The following CPE variants were observed in gnomAD, a reference collection of about 807,000 sequenced individuals.
The protein encoded by CPE is carbocypeptidase E.
CPE carries 17 observed loss-of-function variants against 53.5 expected under a neutral mutation model. That is an observed-to-expected ratio of 0.32 (90% CI 0.22 to 0.48). The LOEUF is 0.48. CPE is among the 20% of genes least tolerant of loss of function. The probability of loss-of-function intolerance (pLI) is 0.99; values close to 1 mark genes in which losing one functional copy is unlikely to be tolerated. For synonymous variants in CPE, 226 were observed against 228.8 expected, an observed-to-expected ratio of 0.99 and a Z score of 0.11; for missense variants, 524 against 614.7, an observed-to-expected ratio of 0.85 and a Z score of 1.56.
intron 1 of CPE, among the ~76,000 whole-genome samples, chr4:165,416,994 T>TA (rs1200033750): frequency 2.0e-5 from 3 of 152,198 alleles, no homozygotes; most frequent in Non-Finnish European, 4.4e-5. Flanking sequence ...TTCTTCACTG[T>TA]AATCTTGCAG....
chr4:165,429,440 CA>C (rs1731372863), intron 1 of CPE, among the ~76,000 whole-genome samples: 1 of 152,280 alleles, frequency 6.6e-6, no homozygotes, highest in East Asian at 1.9e-4. Flanking sequence ...CGGTGGCTCA[CA>C]CCTGTAATCC....
intron 4 of CPE, among the ~76,000 whole-genome samples, chr4:165,482,858 T>C (rs1487580921): frequency 6.6e-6 from 1 of 152,194 alleles, no homozygotes; most frequent in East Asian, 1.9e-4. Context: ...TAACTAGTTT[T>C]AGTTAAGCTT....
At chr4:165,457,623 G>T (rs182347091) in intron 1 of CPE, among the ~76,000 whole-genome samples, 1 of 152,260 alleles carries the variant, frequency 6.6e-6, no homozygotes, top group Non-Finnish European at 1.5e-5. Flanking sequence ...ATATGTCTCT[G>T]CAGAATAATT....
At chr4:165,440,296 G>A (rs1731585368) in intron 1 of CPE, among the ~76,000 whole-genome samples, 1 of 152,080 alleles carries the variant, frequency 6.6e-6, no homozygotes, top group Non-Finnish European at 1.5e-5. Context: ...AATAACTTTG[G>A]CTCTTTACTT....
At chr4:165,421,862 G>C (rs1269078378) in intron 1 of CPE, among the ~76,000 whole-genome samples, 3 of 151,944 alleles carry the variant, frequency 2.0e-5, no homozygotes, top group Non-Finnish European at 4.4e-5. Context: ...CTTTTTCTCT[G>C]TTGTTTCCAT....
At chr4:165,491,364 T>C (rs1229075717) in intron 6 of CPE, among the ~76,000 whole-genome samples, 4 of 152,218 alleles carry the variant, frequency 2.6e-5, no homozygotes, top group Non-Finnish European at 5.9e-5. Context: ...AGTACTTGGG[T>C]AAAGCCTCTT....
chr4:165,389,373 G>A (rs1278205431), intron 1 of CPE, among the ~76,000 whole-genome samples: 1 of 152,028 alleles, frequency 6.6e-6, no homozygotes, highest in Non-Finnish European at 1.5e-5. Flanking sequence ...GCTATTGTCA[G>A]GAATTGAGAG....
intron 1 of CPE, among the ~76,000 whole-genome samples, chr4:165,444,077 G>A (rs1017020038): frequency 2.4e-4 from 37 of 152,100 alleles, no homozygotes; most frequent in African/African-American, 7.0e-4. Context: ...CGCAGTTTAT[G>A]GTGTTTGTTG....
intron 1 of CPE, among the ~76,000 whole-genome samples, chr4:165,388,700 A>G (rs1730636167): frequency 6.6e-6 from 1 of 152,260 alleles, no homozygotes; most frequent in African/African-American, 2.4e-5. Flanking sequence ...GCAAACACAA[A>G]GACAATATCT....
chr4:165,470,206 G>A (rs546264085), intron 3 of CPE, among the ~76,000 whole-genome samples: 1 of 152,314 alleles, frequency 6.6e-6, no homozygotes, highest in East Asian at 1.9e-4. Context: ...AGAGGGCCAA[G>A]CAGGCAACTT....
intron 1 of CPE, among the ~76,000 whole-genome samples, chr4:165,418,497 G>A (rs894306256): frequency 3.3e-5 from 5 of 152,174 alleles, no homozygotes; most frequent in Admixed American, 3.3e-4. Flanking sequence ...ACAGGGAAGG[G>A]TGATAGCACA....
rs1240210549 is a variant in CPE, at chr4:165,480,519, C to T, written c.673-1723C>T. ...TGTAGTGGCTGTGTAGCCGGCCTGGCTGGGCTTGAGACCAGCCTCTGCCAG... is the reference window on the plus strand; with the variant it reads ...TGTAGTGGCTGTGTAGCCGGCCTGGTTGGGCTTGAGACCAGCCTCTGCCAG... On this transcript the variant is annotated intron_variant, in intron 3 of 8. Transcript: ENST00000402744. Among the ~76,000 whole-genome samples, 4 of 151,926 alleles carry T rather than the reference C, an allele frequency of 2.6e-5. No individual in the cohort carries two copies. In the South Asian group the frequency reaches 6.2e-4, roughly 24 times the overall value.
rs1233652999 is a variant in CPE at position 165,405,245 on chromosome 4, C to A, written c.307+25717C>A. Reference sequence around the variant, plus strand: ...CACGGAGACTTGGGCAATGCCTGCTCCCATCATCCCTGCACCAGGAATAGC... The same window carrying A: ...CACGGAGACTTGGGCAATGCCTGCTACCATCATCCCTGCACCAGGAATAGC... On this transcript the variant is annotated intron_variant, in intron 1 of 8. Transcript: ENST00000402744. The A allele has an allele frequency of 1.4e-5, 12 of 847,232 alleles. No homozygotes were observed. In the Admixed American group the frequency reaches 2.0e-4, roughly 14 times the overall value. The allele number at this position is 847,232 out of a possible 1,614,324, so 52.5% of individuals were successfully genotyped here.
intron 4 of CPE, among the ~76,000 whole-genome samples, chr4:165,484,053 T>A (rs1732462189): frequency 6.6e-6 from 1 of 152,196 alleles, no homozygotes; most frequent in African/African-American, 2.4e-5. Flanking sequence ...TATATGAGAA[T>A]GATTCATAGT....
intron 1 of CPE, among the ~76,000 whole-genome samples, chr4:165,456,286 G>T (rs185693554): frequency 3.3e-5 from 5 of 152,196 alleles, no homozygotes; most frequent in Admixed American, 3.3e-4. Context: ...ACTCTCGTGA[G>T]TCAGTAACTG....
intron 1 of CPE, among the ~76,000 whole-genome samples, chr4:165,463,480 G>GT (rs1371848526): frequency 6.6e-6 from 1 of 152,128 alleles, no homozygotes; most frequent in Non-Finnish European, 1.5e-5. Flanking sequence ...GAGAACTGAA[G>GT]TAACTTGCCC....
Position 165,497,506 on chromosome 4 carries a change from T to C in CPE, c.1333-6T>C. On this transcript the variant is annotated splice_polypyrimidine_tract_variant and splice_region_variant and intron_variant, in intron 8 of 8. Coordinates refer to ENST00000402744, the MANE Select transcript of CPE (RefSeq NM_001873.4). ...ATAATAATATGTTCTTGATTTTCTC[T>C]TTTAGGTTGATTTTGAACTGGAGTC... 6.6e-7 allele frequency: 1 copy of C among 1,510,748 alleles called. No homozygotes were observed. The allele number at this position is 1,510,748 out of a possible 1,614,324, so 93.6% of individuals were successfully genotyped here.
At position 165,491,017 on chromosome 4, in the gene CPE, A is replaced by G. The variant is rs143589916; in HGVS notation, c.1114-2154A>G. Among the ~76,000 whole-genome samples, 23 of 152,336 alleles carry G rather than the reference A, an allele frequency of 1.5e-4. No individual in the cohort carries two copies. The East Asian group carries it at 4.4e-3, about 29-fold the overall frequency. On this transcript the variant is annotated intron_variant, in intron 6 of 8. Transcript: ENST00000402744. ...AATCTGAATTTTCCAGTCTGAATTC[A>G]TGGGGGAGTTGACACAGCCCATACA...
At chr4:165,403,924 A>T in intron 1 of CPE, 1 of 495,696 alleles carries the variant, frequency 2.0e-6, no homozygotes, top group African/African-American at 1.9e-5. Context: ...GGCTGAAGGC[A>T]CTTTAATCAG....
Sources: allele counts gnomAD v4.1 joint callset (sites outside exome capture counted in the v4.1 genomes callset), GRCh38; gene constraint gnomAD v4.1.1; transcripts MANE v1.5; gene names NCBI Gene and HGNC (gene_info 2026-07-23, HGNC 2026-07-21).